Variants in SHISA9 observed in about 807,000 individuals in gnomAD.
SHISA9 encodes the protein shisa family member 9, also known as protein shisa-9.
A neutral mutation model predicts 38.0 loss-of-function variants in SHISA9; 13 were observed. That is an observed-to-expected ratio of 0.34 (90% CI 0.22 to 0.54). SHISA9 has a LOEUF of 0.54. Among genes scored for constraint, SHISA9 ranks in the 20% least tolerant of loss-of-function variants. SHISA9 has a pLI of 0.91. For missense variants in SHISA9, 538 were observed against 575.8 expected, an observed-to-expected ratio of 0.93 and a Z score of 0.67; for synonymous variants, 275 against 242.0, an observed-to-expected ratio of 1.14 and a Z score of -1.27.
At chr16:13,402,122 C>A in the SHISA9 span, among the ~76,000 whole-genome samples, 1 of 150,700 alleles carries the variant, frequency 6.6e-6, no homozygotes, top group East Asian at 1.9e-4. Flanking sequence ...GAAATGAAAT[C>A]AATAGGATAT....
At chr16:13,531,817 A>G in the SHISA9 span, among the ~76,000 whole-genome samples, 1 of 152,104 alleles carries the variant, frequency 6.6e-6, no homozygotes, top group African/African-American at 2.4e-5. Context: ...TATTATAAGG[A>G]TTTAGAACAA....
chr16:13,272,107 G>A, the SHISA9 span, among the ~76,000 whole-genome samples: 1,556 of 150,638 alleles, frequency 0.01, 31 homozygotes, highest in African/African-American at 0.036. Context: ...GAGAGAAAAT[G>A]TTCTAAAACT....
chr16:13,049,574 G>C (rs971816939), intron 2 of SHISA9, among the ~76,000 whole-genome samples: 4 of 152,104 alleles, frequency 2.6e-5, no homozygotes, highest in Non-Finnish European at 2.9e-5. Flanking sequence ...ACTGGGCCTG[G>C]CTGCATGTGT....
chr16:13,525,840 AT>A, the SHISA9 span, among the ~76,000 whole-genome samples: 67 of 152,186 alleles, frequency 4.4e-4, no homozygotes, highest in Non-Finnish European at 8.5e-4. Flanking sequence ...TATGAGGGAG[AT>A]TTAGATATTG....
intron 2 of SHISA9, among the ~76,000 whole-genome samples, chr16:12,992,291 G>C (rs150617450): frequency 6.6e-6 from 1 of 151,060 alleles, no homozygotes; most frequent in Non-Finnish European, 1.5e-5. Context: ...TTGGGAGGCC[G>C]AGGCAGGTGG....
At chr16:12,996,214 G>GT (rs1204706374) in intron 2 of SHISA9, among the ~76,000 whole-genome samples, 5 of 152,064 alleles carry the variant, frequency 3.3e-5, no homozygotes, top group Admixed American at 6.6e-5. Context: ...TACACAATGT[G>GT]TTTTTTTCAA....
intron 2 of SHISA9, among the ~76,000 whole-genome samples, chr16:13,102,452 C>G (rs1237046160): frequency 6.6e-6 from 1 of 152,186 alleles, no homozygotes. Flanking sequence ...AGGTCTCTTT[C>G]TCTAAGGGTG....
At chr16:13,354,356 G>A in the SHISA9 span, among the ~76,000 whole-genome samples, 1 of 124,790 alleles carries the variant, frequency 8.0e-6, no homozygotes, top group African/African-American at 3.0e-5. Flanking sequence ...GTGAGGAACA[G>A]GAAAGAAGGA....
At chr16:13,240,628 A>T (rs1179193964), downstream of SHISA9, among the ~76,000 whole-genome samples, 1 of 152,184 alleles carries the variant, frequency 6.6e-6, no homozygotes, top group African/African-American at 2.4e-5. Flanking sequence ...AGTTTGTGTC[A>T]CATCTCCTAG....
chr16:12,969,069 A>T (rs184785502), intron 2 of SHISA9, among the ~76,000 whole-genome samples: 1 of 151,664 alleles, frequency 6.6e-6, no homozygotes, highest in African/African-American at 2.4e-5. Context: ...AGGCTGGAGA[A>T]TCGCTTGAAC....
At chr16:13,021,727 C>T (rs1360071176) in intron 2 of SHISA9, among the ~76,000 whole-genome samples, 4 of 152,124 alleles carry the variant, frequency 2.6e-5, no homozygotes, top group Non-Finnish European at 5.9e-5. Context: ...TATTGGATGT[C>T]CCCTTTTCTG....
chr16:13,278,071 T>C, the SHISA9 span, among the ~76,000 whole-genome samples: 1 of 152,146 alleles, frequency 6.6e-6, no homozygotes, highest in African/African-American at 2.4e-5. Flanking sequence ...ATGGCTTTTA[T>C]TACCTTAAGG....
intron 2 of SHISA9, among the ~76,000 whole-genome samples, chr16:13,120,880 TG>T (rs2050203114): frequency 6.6e-6 from 1 of 151,944 alleles, no homozygotes; most frequent in Non-Finnish European, 1.5e-5. Flanking sequence ...ATTTTACAGG[TG>T]GTCAGGGGGA....
At chr16:13,444,981 GCT>G in the SHISA9 span, among the ~76,000 whole-genome samples, 1 of 76,214 alleles carries the variant, frequency 1.3e-5, no homozygotes, top group Non-Finnish European at 2.7e-5. Flanking sequence ...ACCATGCCTA[GCT>G]ATATATATAT....
intron 4 of SHISA9, among the ~76,000 whole-genome samples, chr16:13,227,576 G>A (rs767526386): frequency 5.3e-5 from 8 of 152,158 alleles, no homozygotes; most frequent in African/African-American, 9.7e-5. Flanking sequence ...GAATCTGTCC[G>A]GGAGGTAACT....
intron 2 of SHISA9, among the ~76,000 whole-genome samples, chr16:13,113,239 A>C (rs1408789710): frequency 6.6e-6 from 1 of 150,640 alleles, no homozygotes; most frequent in Non-Finnish European, 1.5e-5. Flanking sequence ...AAAAATTGAG[A>C]ACATCTTCCT....
chr16:13,071,664 C>A lies in SHISA9; in HGVS notation c.692-131730C>A, dbSNP rs1376676728. 2.6e-5 allele frequency among the ~76,000 whole-genome samples: 4 copies of A among 150,968 alleles called. No individual in the cohort carries two copies. In the South Asian group the frequency reaches 6.3e-4, roughly 24 times the overall value. On this transcript the variant is annotated intron_variant, in intron 2 of 4. Coordinates refer to ENST00000558583, the MANE Select transcript of SHISA9 (RefSeq NM_001145204.3). ...CCTCCTTCCTGTCTTTCCTTTTTGACAGAGTCTCTGTCACTCAGGCTGGAG... is the reference window on the plus strand; with the variant it reads ...CCTCCTTCCTGTCTTTCCTTTTTGAAAGAGTCTCTGTCACTCAGGCTGGAG...
chr16:13,537,964 C>CT, the SHISA9 span, among the ~76,000 whole-genome samples: 1 of 151,996 alleles, frequency 6.6e-6, no homozygotes, highest in African/African-American at 2.4e-5. Context: ...CTTTTTTCAT[C>CT]TTTTTTGTAT....
intron 2 of SHISA9, among the ~76,000 whole-genome samples, chr16:13,152,103 T>G (rs1199000694): frequency 6.6e-6 from 1 of 152,206 alleles, no homozygotes; most frequent in East Asian, 1.9e-4. Flanking sequence ...ATCATACTGC[T>G]TTTTTCATTC....
Sources: gnomAD v4.1 joint callset for allele counts (sites outside exome capture counted in the v4.1 genomes callset) on GRCh38, gnomAD v4.1.1 for gene constraint, MANE v1.5 for transcripts, NCBI Gene and HGNC (gene_info 2026-07-23, HGNC 2026-07-21) for gene names.